STK32B: variants seen among roughly 807,000 people sequenced by gnomAD.
STK32B encodes serine/threonine-protein kinase 32B.
In STK32B, 43 loss-of-function variants were observed where a neutral mutation model predicts 52.6. The ratio of observed to expected loss-of-function variants is 0.82; its 90% CI spans 0.64 to 1.05. STK32B has a LOEUF of 1.05. Among genes scored for constraint, STK32B ranks in the 50% least tolerant of loss-of-function variants. The pLI, the probability that STK32B is intolerant of heterozygous loss-of-function variation, is 0.00. For missense variants in STK32B, 621 were observed against 534.6 expected, an observed-to-expected ratio of 1.16 and a Z score of -1.59; for synonymous variants, 238 against 204.3, an observed-to-expected ratio of 1.17 and a Z score of -1.41.
chr4:5,498,900 C>A, intron 11 of STK32B, 45 bp from the exon 12 acceptor site: 8 of 1,561,826 alleles, frequency 5.1e-6, no homozygotes, highest in Non-Finnish European at 7.0e-6. Context: ...TGTGCCTCCA[C>A]AACCCCATGC....
At chr4:5,166,803 C>A (rs1718902643) in intron 2 of STK32B, among the ~76,000 whole-genome samples, 1 of 152,142 alleles carries the variant, frequency 6.6e-6, no homozygotes, top group Admixed American at 6.5e-5. Context: ...GGAACCCACA[C>A]AATCCCTTAT....
chr4:5,254,556 T>C lies in STK32B; in HGVS notation c.261-76664T>C, dbSNP rs529143921. Among the ~76,000 whole-genome samples, 4 of 152,360 alleles carry C rather than the reference T, an allele frequency of 2.6e-5. No individual in the cohort carries two copies. The East Asian group carries it at 7.7e-4, about 29-fold the overall frequency. ...TCCCAGCATGGTTTTATGTAAGTTT[T>C]AATATGCCATGTATTCATTATAGGT... On this transcript the variant is annotated intron_variant, in intron 3 of 11. Coordinates refer to ENST00000282908, the MANE Select transcript of STK32B (RefSeq NM_018401.3).
chr4:5,334,826 C>T (rs1732527805), intron 4 of STK32B, among the ~76,000 whole-genome samples: 1 of 152,052 alleles, frequency 6.6e-6, no homozygotes, highest in Non-Finnish European at 1.5e-5. Flanking sequence ...GGGGATGAAG[C>T]CCACTTGATC....
At chr4:5,435,210 T>C (rs2109097934) in intron 6 of STK32B, among the ~76,000 whole-genome samples, 1 of 152,318 alleles carries the variant, frequency 6.6e-6, no homozygotes, top group Non-Finnish European at 1.5e-5. Context: ...GCTTTAGTTG[T>C]TGTTGTTGTT....
chr4:5,053,980 A>AAAATAAATAAATAAAT (rs558541378), intron 1 of STK32B, among the ~76,000 whole-genome samples: 2 of 147,332 alleles, frequency 1.4e-5, no homozygotes, highest in Admixed American at 6.8e-5. Flanking sequence ...GCTCCATCTC[A>AAAATAAATAAATAAAT]AAATAAATAA....
chr4:5,161,393 C>T (rs1033179095), intron 2 of STK32B, among the ~76,000 whole-genome samples: 1 of 152,172 alleles, frequency 6.6e-6, no homozygotes, highest in Admixed American at 6.5e-5. Context: ...AATCTGAAGG[C>T]AGGTGGCTCC....
intron 3 of STK32B, among the ~76,000 whole-genome samples, chr4:5,227,300 GA>G (rs1485678677): frequency 6.6e-6 from 1 of 152,112 alleles, no homozygotes; most frequent in African/African-American, 2.4e-5. Context: ...ATTCTGTCTT[GA>G]AATTTAAGTG....
At chr4:5,215,708 C>A (rs1723143731) in intron 3 of STK32B, among the ~76,000 whole-genome samples, 1 of 152,136 alleles carries the variant, frequency 6.6e-6, no homozygotes, top group Non-Finnish European at 1.5e-5. Context: ...CAAAGCCACT[C>A]TGTGCTTTAT....
chr4:5,411,332 G>A (rs942616597), intron 5 of STK32B, among the ~76,000 whole-genome samples: 1 of 151,980 alleles, frequency 6.6e-6, no homozygotes, highest in Middle Eastern at 3.2e-3. Context: ...ACTGTGCCCG[G>A]CCAGGGCCCC....
intron 3 of STK32B, among the ~76,000 whole-genome samples, chr4:5,238,094 G>A (rs139950085): frequency 2.1e-3 from 315 of 152,230 alleles, no homozygotes; most frequent in African/African-American, 7.2e-3. Context: ...ATAAAAAGTT[G>A]TATTTGTTTC....
chr4:5,244,951 A>G (rs191423064), intron 3 of STK32B, among the ~76,000 whole-genome samples: 1 of 152,190 alleles, frequency 6.6e-6, no homozygotes, highest in African/African-American at 2.4e-5. Context: ...ACAGTTTGTT[A>G]TAATTTCTGT....
At chr4:5,172,698 G>C (rs1362071127) in intron 3 of STK32B, among the ~76,000 whole-genome samples, 1 of 152,144 alleles carries the variant, frequency 6.6e-6, no homozygotes, top group Non-Finnish European at 1.5e-5. Context: ...ATGTGCTGCT[G>C]GATTCGGTTT....
At chr4:5,023,788 A>G in the STK32B span, among the ~76,000 whole-genome samples, 2 of 152,210 alleles carry the variant, frequency 1.3e-5, no homozygotes, top group Non-Finnish European at 1.5e-5. Flanking sequence ...CAGAAATTCA[A>G]TCTTGCTCCT....
chr4:5,099,362 T>C (rs1019957867), intron 1 of STK32B, among the ~76,000 whole-genome samples: 1 of 152,064 alleles, frequency 6.6e-6, no homozygotes. Flanking sequence ...CTGCCCACCA[T>C]AGAGAGATTC....
chr4:5,250,310 C>CTTTTTTTTTTTT (rs143911318), intron 3 of STK32B, among the ~76,000 whole-genome samples: 1 of 119,258 alleles, frequency 8.4e-6, no homozygotes, highest in Admixed American at 8.8e-5. Context: ...GTTTTAAGTT[C>CTTTTTTTTTTTT]TTTTTTTTTT....
At chr4:5,027,989 C>T in the STK32B span, among the ~76,000 whole-genome samples, 209 of 152,316 alleles carry the variant, frequency 1.4e-3, 1 homozygote, top group African/African-American at 4.6e-3. Flanking sequence ...AGCTGCCCTG[C>T]GGTCATTTCT....
chr4:5,455,012 C>T (rs866991577), intron 7 of STK32B, among the ~76,000 whole-genome samples: 1 of 152,138 alleles, frequency 6.6e-6, no homozygotes, highest in South Asian at 2.1e-4. Flanking sequence ...GCCTATTATA[C>T]GGTGAAATGG....
chr4:5,273,688 TG>T (rs1727599276), intron 3 of STK32B, among the ~76,000 whole-genome samples: 1 of 106,208 alleles, frequency 9.4e-6, no homozygotes, highest in Admixed American at 1.0e-4. Context: ...TCATGTCCTT[TG>T]TAGGGACATG....
intron 11 of STK32B, among the ~76,000 whole-genome samples, chr4:5,481,789 G>C (rs542771545): frequency 2.0e-5 from 3 of 151,864 alleles, no homozygotes; most frequent in African/African-American, 7.3e-5. Context: ...ATCCAGTTTC[G>C]GCTTTCTACA....
Sources: gnomAD v4.1 joint callset for allele counts (sites outside exome capture counted in the v4.1 genomes callset) on GRCh38, gnomAD v4.1.1 for gene constraint, MANE v1.5 for transcripts, NCBI Gene and HGNC (gene_info 2026-07-23, HGNC 2026-07-21) for gene names.